Variants in NUDT3 observed in about 807,000 individuals in gnomAD.
NUDT3 encodes the protein nudix hydrolase 3.
In NUDT3, 9 loss-of-function variants were observed where a neutral mutation model predicts 23.6. The observed-to-expected ratio is 0.38, with a 90% CI of 0.23 to 0.66. The LOEUF is 0.66. NUDT3 is among the 30% of genes least tolerant of loss of function. NUDT3 has a pLI of 0.52. For missense variants in NUDT3, 172 were observed against 218.5 expected, an observed-to-expected ratio of 0.79 and a Z score of 1.34; for synonymous variants, 86 against 82.6, an observed-to-expected ratio of 1.04 and a Z score of -0.22.
chr6:34,344,774 C>G (rs977078241), intron 1 of NUDT3, among the ~76,000 whole-genome samples: 3 of 151,596 alleles, frequency 2.0e-5, no homozygotes, highest in African/African-American at 7.3e-5. Flanking sequence ...GCCTCAGCCT[C>G]CCGAGTAGCT....
chr6:34,309,683 T>C (rs1253372308), intron 2 of NUDT3, among the ~76,000 whole-genome samples: 1 of 151,806 alleles, frequency 6.6e-6, no homozygotes, highest in Non-Finnish European at 1.5e-5. Flanking sequence ...CATATAAAAA[T>C]TGATAAGTCT....
chr6:34,310,947 G>A (rs1377255666), intron 2 of NUDT3, among the ~76,000 whole-genome samples: 1 of 148,330 alleles, frequency 6.7e-6, no homozygotes, highest in Non-Finnish European at 1.5e-5. Context: ...ACCTACTCAT[G>A]ATAAAAGAAA....
intron 2 of NUDT3, among the ~76,000 whole-genome samples, chr6:34,334,780 T>C (rs1013559299): frequency 5.9e-5 from 9 of 151,316 alleles, no homozygotes; most frequent in African/African-American, 2.2e-4. Context: ...ATAATAATAA[T>C]AAATTAGCCA....
intron 2 of NUDT3, among the ~76,000 whole-genome samples, chr6:34,332,640 A>G (rs888897428): frequency 2.0e-5 from 3 of 152,204 alleles, no homozygotes; most frequent in Non-Finnish European, 2.9e-5. Context: ...CAAATGATCT[A>G]AAGTATATGG....
intron 2 of NUDT3, among the ~76,000 whole-genome samples, chr6:34,299,644 G>A (rs997341634): frequency 6.9e-6 from 1 of 145,974 alleles, no homozygotes; most frequent in Admixed American, 7.0e-5. Flanking sequence ...GGTGACTCAC[G>A]CCTATAATCC....
intron 2 of NUDT3, among the ~76,000 whole-genome samples, chr6:34,316,103 A>C (rs1763853992): frequency 6.6e-6 from 1 of 152,178 alleles, no homozygotes. Flanking sequence ...ATCTCAAGCA[A>C]TCCTCCCACC....
At chr6:34,374,156 C>CAAAA (rs397888346) in intron 1 of NUDT3, among the ~76,000 whole-genome samples, 51 of 64,714 alleles carry the variant, frequency 7.9e-4, no homozygotes, top group African/African-American at 2.6e-3. Flanking sequence ...GGCTCCCTCT[C>CAAAA]AAAAAAAAAA....
At chr6:34,337,168 T>C (rs1051150757) in intron 2 of NUDT3, among the ~76,000 whole-genome samples, 2 of 152,236 alleles carry the variant, frequency 1.3e-5, no homozygotes, top group African/African-American at 4.8e-5. Flanking sequence ...TTCAAAGCAG[T>C]TCACAGACAT....
At chr6:34,392,209 C>A (rs1765215544) in intron 1 of NUDT3, 55 bp downstream of exon 1, 1 of 1,440,174 alleles carries the variant, frequency 6.9e-7, no homozygotes, top group East Asian at 2.6e-5. Context: ...CTCGCGCCTC[C>A]ACCCGAAGGG....
chr6:34,312,633 A>G (rs994515018), intron 2 of NUDT3, among the ~76,000 whole-genome samples: 10 of 152,210 alleles, frequency 6.6e-5, no homozygotes, highest in African/African-American at 2.2e-4. Flanking sequence ...AAAAACTTGC[A>G]TATCAATGTG....
At chr6:34,296,263 T>C (rs766248641) in intron 2 of NUDT3, among the ~76,000 whole-genome samples, 2 of 151,970 alleles carry the variant, frequency 1.3e-5, no homozygotes, top group Non-Finnish European at 2.9e-5. Context: ...AGTGAGACCA[T>C]GTCTCAAAAA....
At chr6:34,332,055 T>G (rs1764136679) in intron 2 of NUDT3, among the ~76,000 whole-genome samples, 1 of 151,970 alleles carries the variant, frequency 6.6e-6, no homozygotes, top group Non-Finnish European at 1.5e-5. Flanking sequence ...TTTTTAAAAT[T>G]TTTTGTTTTT....
At chr6:34,366,093 G>C (rs1388681057) in intron 1 of NUDT3, among the ~76,000 whole-genome samples, 1 of 150,510 alleles carries the variant, frequency 6.6e-6, no homozygotes, top group Non-Finnish European at 1.5e-5. Flanking sequence ...AAGTAGAATG[G>C]GTCAGGCTCA....
rs1290993105 is a variant in NUDT3, at chr6:34,282,477, A to G, written c.*6276T>C. The stretch of plus-strand genomic sequence containing the variant: ...TGCTTTTTTTCCTCAGAATTCCACA[A>G]AGGCTTAAGAGTGATCTAAATGCCT... On this transcript the variant is annotated 3_prime_UTR_variant, in exon 5 of 5. Coordinates refer to ENST00000607016, the MANE Select transcript of NUDT3 (RefSeq NM_006703.4). 6.6e-6 allele frequency: 1 copy of G among 152,198 alleles called. No individual in the cohort carries two copies. The highest frequency in any genetic ancestry group is 1.5e-5 in the Non-Finnish European group (1 of 68,030). The allele number at this position is 152,198 out of a possible 1,614,324, so 9.4% of individuals were successfully genotyped here.
chr6:34,319,886 T>G (rs1243468816), intron 2 of NUDT3, among the ~76,000 whole-genome samples: 2 of 152,214 alleles, frequency 1.3e-5, no homozygotes, highest in African/African-American at 4.8e-5. Flanking sequence ...ACAGAGATTC[T>G]GTTTTCTGAG....
chr6:34,309,023 T>C (rs1763726599), intron 2 of NUDT3, among the ~76,000 whole-genome samples: 1 of 152,150 alleles, frequency 6.6e-6, no homozygotes, highest in South Asian at 2.1e-4. Flanking sequence ...AGACACACCT[T>C]AACAAATCTG....
intron 2 of NUDT3, among the ~76,000 whole-genome samples, chr6:34,327,165 C>T (rs1764050445): frequency 6.6e-6 from 1 of 152,050 alleles, no homozygotes; most frequent in African/African-American, 2.4e-5. Context: ...ACAGGGGGCC[C>T]TTCCCTTATA....
chr6:34,335,752 G>GT (rs776418517), intron 2 of NUDT3, among the ~76,000 whole-genome samples: 887 of 141,350 alleles, frequency 6.3e-3, no homozygotes, highest in African/African-American at 9.6e-3. Context: ...AAAATGCTGT[G>GT]TTTTTTTTTT....
intron 2 of NUDT3, among the ~76,000 whole-genome samples, chr6:34,315,394 C>G (rs1045444828): frequency 1.3e-5 from 2 of 152,208 alleles, no homozygotes; most frequent in Non-Finnish European, 2.9e-5. Flanking sequence ...ATTCACTCAC[C>G]AGAGATGAAC....
Sources: allele counts gnomAD v4.1 joint callset (sites outside exome capture counted in the v4.1 genomes callset), GRCh38; gene constraint gnomAD v4.1.1; transcripts MANE v1.5; gene names NCBI Gene and HGNC (gene_info 2026-07-23, HGNC 2026-07-21).